The following MYRIP variants were observed in gnomAD, a reference collection of about 807,000 sequenced individuals.
The protein encoded by MYRIP is rab effector MyRIP.
In MYRIP, 49 loss-of-function variants were observed where a neutral mutation model predicts 98.0. That is an observed-to-expected ratio of 0.50 (90% CI 0.40 to 0.63). The LOEUF is 0.63. Ranked by LOEUF, MYRIP falls within the 30% of genes least tolerant of loss-of-function variation. The pLI is 0.00. For missense variants in MYRIP, 1,004 were observed against 1,058.2 expected (o/e 0.95, Z 0.71); for synonymous variants, 404 against 409.5 (o/e 0.99, Z 0.16).
intron 3 of MYRIP, among the ~76,000 whole-genome samples, chr3:40,124,906 C>T (rs1263282852): frequency 6.6e-6 from 1 of 152,130 alleles, no homozygotes. Flanking sequence ...TTTCTTTTTT[C>T]AATTGCCTCC....
intron 2 of MYRIP, among the ~76,000 whole-genome samples, chr3:40,021,953 G>A (rs1947009791): frequency 6.6e-6 from 1 of 152,200 alleles, no homozygotes; most frequent in Non-Finnish European, 1.5e-5. Flanking sequence ...ATTAAAAGCA[G>A]ACACAAAGCG....
intron 1 of MYRIP, among the ~76,000 whole-genome samples, chr3:39,833,837 A>T (rs1941544888): frequency 6.6e-6 from 1 of 152,162 alleles, no homozygotes; most frequent in South Asian, 2.1e-4. Flanking sequence ...CCTGGCCAAC[A>T]TGGTGAAACC....
chr3:40,156,885 A>T (rs1398847138), intron 4 of MYRIP, among the ~76,000 whole-genome samples: 1 of 151,492 alleles, frequency 6.6e-6, no homozygotes, highest in Non-Finnish European at 1.5e-5. Flanking sequence ...CAGCTTAAGG[A>T]GATTTTGGGC....
At chr3:40,080,961 C>A (rs184669902) in intron 3 of MYRIP, among the ~76,000 whole-genome samples, 100 of 151,716 alleles carry the variant, frequency 6.6e-4, no homozygotes, top group Non-Finnish European at 8.0e-4. Context: ...GTCTTTTTAT[C>A]ATTCAATTCT....
In MYRIP at chr3:39,810,134, A is replaced by G. The variant is rs1200978420; in HGVS notation, c.-31+218A>G. On this transcript the variant is annotated intron_variant, in intron 1 of 16. Coordinates refer to ENST00000302541, the MANE Select transcript of MYRIP (RefSeq NM_015460.4). ...GGGTACTTGAACTTGCTCAGGGATCATCGCGGAGCCAGAATCGCCTCTTTC... is the reference window on the plus strand; with the variant it reads ...GGGTACTTGAACTTGCTCAGGGATCGTCGCGGAGCCAGAATCGCCTCTTTC... Among the ~76,000 whole-genome samples the G allele has an allele frequency of 2.6e-5, 4 of 152,232 alleles. No homozygotes were observed. The East Asian group carries it at 7.7e-4, about 29-fold the overall frequency.
chr3:40,075,054 AC>A (rs1173921421), intron 3 of MYRIP, among the ~76,000 whole-genome samples: 1 of 152,242 alleles, frequency 6.6e-6, no homozygotes, highest in Non-Finnish European at 1.5e-5. Flanking sequence ...ATATTTTATA[AC>A]TGAAGTAATA....
chr3:39,984,155 A>G (rs1487524771), intron 2 of MYRIP, among the ~76,000 whole-genome samples: 1 of 152,092 alleles, frequency 6.6e-6, no homozygotes, highest in Non-Finnish European at 1.5e-5. Flanking sequence ...GACTAGGGAA[A>G]AGACTTTTCA....
At chr3:39,892,090 A>G (rs1453184967) in intron 1 of MYRIP, among the ~76,000 whole-genome samples, 9 of 152,026 alleles carry the variant, frequency 5.9e-5, no homozygotes, top group Non-Finnish European at 1.0e-4. Flanking sequence ...AAATAATTCT[A>G]TTTTCATTAT....
chr3:39,996,660 A>T (rs975338806), intron 2 of MYRIP, among the ~76,000 whole-genome samples: 5 of 152,158 alleles, frequency 3.3e-5, no homozygotes, highest in Admixed American at 3.3e-4. Context: ...CAGGAACTGA[A>T]CTCAGCTCTG....
At chr3:40,141,061 A>T (rs1479569023) in intron 3 of MYRIP, among the ~76,000 whole-genome samples, 1 of 151,978 alleles carries the variant, frequency 6.6e-6, no homozygotes, top group African/African-American at 2.4e-5. Context: ...TCCACCTCCC[A>T]CTACTCTTCC....
At chr3:40,122,017 A>G (rs999335998) in intron 3 of MYRIP, among the ~76,000 whole-genome samples, 1 of 152,182 alleles carries the variant, frequency 6.6e-6, no homozygotes, top group Admixed American at 6.5e-5. Context: ...TTTTGTTTAA[A>G]TATTTTATTT....
intron 1 of MYRIP, among the ~76,000 whole-genome samples, chr3:39,882,840 A>C (rs1315419648): frequency 6.6e-6 from 1 of 152,096 alleles, no homozygotes; most frequent in Non-Finnish European, 1.5e-5. Context: ...TAATCATATA[A>C]CCCTCCCCAC....
chr3:39,860,302 G>A (rs950918026), intron 1 of MYRIP, among the ~76,000 whole-genome samples: 1 of 152,184 alleles, frequency 6.6e-6, no homozygotes, highest in South Asian at 2.1e-4. Context: ...ACTTGAGCTT[G>A]CAGGGAGAGC....
chr3:39,878,620 A>G (rs751473664), intron 1 of MYRIP, among the ~76,000 whole-genome samples: 1 of 152,158 alleles, frequency 6.6e-6, no homozygotes, highest in African/African-American at 2.4e-5. Context: ...ATGTACATAT[A>G]TATCTTTTTT....
At chr3:40,123,589 C>A (rs983737483) in intron 3 of MYRIP, among the ~76,000 whole-genome samples, 42 of 152,328 alleles carry the variant, frequency 2.8e-4, no homozygotes, top group African/African-American at 9.9e-4. Flanking sequence ...AGACAGAGCA[C>A]CCACACACAT....
chr3:40,081,505 T>C (rs1948479835), intron 3 of MYRIP, among the ~76,000 whole-genome samples: 1 of 152,230 alleles, frequency 6.6e-6, no homozygotes, highest in South Asian at 2.1e-4. Context: ...ACATCTGTCC[T>C]TCGTTTTACT....
At chr3:40,242,670 T>C (rs112163513) in intron 12 of MYRIP, among the ~76,000 whole-genome samples, 59 of 152,332 alleles carry the variant, frequency 3.9e-4, no homozygotes, top group African/African-American at 1.3e-3. Context: ...CATGCTTAAA[T>C]TATTTCGTTT....
intron 3 of MYRIP, among the ~76,000 whole-genome samples, chr3:40,114,178 C>T (rs147308865): frequency 6.6e-6 from 1 of 152,286 alleles, no homozygotes; most frequent in Non-Finnish European, 1.5e-5. Flanking sequence ...AACAGTGGTA[C>T]TATAACATTG....
chr3:40,156,178 A>G (rs1180375262), intron 4 of MYRIP, among the ~76,000 whole-genome samples: 1 of 151,672 alleles, frequency 6.6e-6, no homozygotes, highest in African/African-American at 2.4e-5. Flanking sequence ...TATAAGGTGT[A>G]AGGAAGGGAT....
Sources: allele counts gnomAD v4.1 joint callset (sites outside exome capture counted in the v4.1 genomes callset), GRCh38; gene constraint gnomAD v4.1.1; transcripts MANE v1.5; gene names NCBI Gene and HGNC (gene_info 2026-07-23, HGNC 2026-07-21).